Variants in SPEF2 observed in about 807,000 individuals in gnomAD.
SPEF2 encodes the protein sperm flagella and cilia-associated protein 2.
In SPEF2, 187 loss-of-function variants were observed where a neutral mutation model predicts 224.6. The observed-to-expected ratio is 0.83, with a 90% CI of 0.74 to 0.94. The LOEUF (loss-of-function observed/expected upper bound fraction) is 0.94, where lower values mean the gene tolerates loss of function less well. Among genes scored for constraint, SPEF2 ranks in the 40% least tolerant of loss-of-function variants. SPEF2 has a pLI of 0.00. For synonymous variants in SPEF2, 715 were observed against 707.3 expected, an observed-to-expected ratio of 1.01 and a Z score of -0.17; for missense variants, 2,170 against 2,135.6, an observed-to-expected ratio of 1.02 and a Z score of -0.32.
intron 10 of SPEF2, among the ~76,000 whole-genome samples, chr5:35,690,359 T>G (rs996910500): frequency 5.3e-5 from 8 of 152,208 alleles, no homozygotes; most frequent in Non-Finnish European, 8.8e-5. Context: ...TACAGTTTGA[T>G]CTGACCCCAT....
At chr5:35,762,999 A>G (rs547922596) in intron 25 of SPEF2, among the ~76,000 whole-genome samples, 1 of 152,196 alleles carries the variant, frequency 6.6e-6, no homozygotes, top group East Asian at 1.9e-4. Context: ...TTCAGACCTC[A>G]CATTAGTATT....
intron 21 of SPEF2, among the ~76,000 whole-genome samples, chr5:35,728,451 A>G (rs1745055635): frequency 6.6e-6 from 1 of 152,170 alleles, no homozygotes; most frequent in Non-Finnish European, 1.5e-5. Context: ...GAAACTTTTT[A>G]AACAGCAAAG....
intron 23 of SPEF2, among the ~76,000 whole-genome samples, chr5:35,742,734 C>CTTA (rs955493290): frequency 3.3e-5 from 5 of 151,780 alleles, no homozygotes; most frequent in African/African-American, 1.2e-4. Context: ...TTACTGACTT[C>CTTA]TAAGATCTTT....
rs1425609973 is a variant in SPEF2, at chr5:35,667,275, G to A, written c.1355+16G>A. ...TGACAAATAAGTAAGTATTTTTTTTGTAATAACAGTAGAGACACGATAGAG... is the reference window on the plus strand; with the variant it reads ...TGACAAATAAGTAAGTATTTTTTTTATAATAACAGTAGAGACACGATAGAG... On this transcript the variant is annotated intron_variant, in intron 9 of 36. Coordinates refer to ENST00000356031, the MANE Select transcript of SPEF2 (RefSeq NM_024867.4). The A allele has an allele frequency of 1.9e-6, 3 of 1,577,908 alleles. No individual in the cohort carries two copies. The Admixed American group carries it at 5.2e-5, about 27-fold the overall frequency.
At chr5:35,658,918 G>C in intron 7 of SPEF2, 101 bp from the exon 8 acceptor site, 1 of 843,496 alleles carries the variant, frequency 1.2e-6, no homozygotes, top group Non-Finnish European at 1.7e-6. Flanking sequence ...AACTGATTTA[G>C]ATGAACATTA....
At chr5:35,768,868 CT>C (rs1053232557) in intron 26 of SPEF2, among the ~76,000 whole-genome samples, 14 of 152,220 alleles carry the variant, frequency 9.2e-5, no homozygotes, top group African/African-American at 3.1e-4. Flanking sequence ...AATGAGAGCA[CT>C]TTAACACAGG....
At chr5:35,661,340 T>A (rs1749716262) in intron 8 of SPEF2, among the ~76,000 whole-genome samples, 1 of 143,316 alleles carries the variant, frequency 7.0e-6, no homozygotes, top group African/African-American at 2.5e-5. Context: ...TGTGTGTATA[T>A]ATATATACAC....
At chr5:35,742,755 A>T (rs2149698179) in intron 23 of SPEF2, among the ~76,000 whole-genome samples, 1 of 152,050 alleles carries the variant, frequency 6.6e-6, no homozygotes, top group East Asian at 1.9e-4. Flanking sequence ...GTATATGTTA[A>T]GGAAACAAGC....
intron 8 of SPEF2, among the ~76,000 whole-genome samples, chr5:35,661,231 G>A (rs1398433881): frequency 3.1e-5 from 4 of 127,274 alleles, no homozygotes; most frequent in African/African-American, 1.1e-4. Flanking sequence ...TGTGAAGAAA[G>A]GAGGTTTTTT....
Position 35,646,541 on chromosome 5 carries a change from C to A in SPEF2, c.586-126C>A, listed in dbSNP as rs371193438. 263 of 840,242 alleles carry A rather than the reference C, an allele frequency of 3.1e-4. 1 individual carries two copies. In the African/African-American group the frequency reaches 4.0e-3, roughly 13 times the overall value. The allele number at this position is 840,242 out of a possible 1,614,324, so 52.0% of individuals were successfully genotyped here. A position where few individuals can be genotyped will look rare whatever the true frequency, so the allele number is the denominator to read the frequency against. On this transcript the variant is annotated intron_variant, in intron 4 of 36. Transcript: ENST00000356031. Reference sequence around the variant, plus strand: ...ATATTACACAGTTGTGACACCTAGTCTCTTGGCTAATTGCTGGGTTCTGAA... The same window carrying A: ...ATATTACACAGTTGTGACACCTAGTATCTTGGCTAATTGCTGGGTTCTGAA...
intron 26 of SPEF2, among the ~76,000 whole-genome samples, chr5:35,771,271 T>C (rs890915388): frequency 2.0e-5 from 3 of 152,122 alleles, no homozygotes; most frequent in Admixed American, 6.6e-5. Flanking sequence ...GAAGTATAAA[T>C]GTGTGTCTGA....
chr5:35,734,701 TTTTTTTTC>T (rs1554044813), intron 21 of SPEF2, among the ~76,000 whole-genome samples: 1,974 of 29,938 alleles, frequency 0.066, 19 homozygotes, highest in East Asian at 0.082. Context: ...AATTGCTTTC[TTTTTTTTC>T]TTTTTTTTTT....
At chr5:35,755,198 G>A (rs929925086) in intron 24 of SPEF2, among the ~76,000 whole-genome samples, 10 of 152,214 alleles carry the variant, frequency 6.6e-5, no homozygotes, top group Non-Finnish European at 1.3e-4. Flanking sequence ...ATGACCAGGA[G>A]GACAGATCCA....
At chr5:35,744,573 A>G (rs1338992529) in intron 23 of SPEF2, among the ~76,000 whole-genome samples, 1 of 152,188 alleles carries the variant, frequency 6.6e-6, no homozygotes, top group Non-Finnish European at 1.5e-5. Context: ...TGGGAGAAAA[A>G]GAACTAGAAT....
At chr5:35,686,248 A>T (rs146662224) in intron 10 of SPEF2, among the ~76,000 whole-genome samples, 1 of 152,260 alleles carries the variant, frequency 6.6e-6, no homozygotes, top group African/African-American at 2.4e-5. Flanking sequence ...CCGCTGAAAC[A>T]ATATTTTGGG....
At chr5:35,652,238 A>C (rs764352970) in intron 6 of SPEF2, among the ~76,000 whole-genome samples, 2 of 152,146 alleles carry the variant, frequency 1.3e-5, no homozygotes, top group Non-Finnish European at 2.9e-5. Context: ...AAGACAACAG[A>C]TGGATGGGTT....
chr5:35,727,186 TCTC>T (rs1744814398), intron 20 of SPEF2, among the ~76,000 whole-genome samples: 1 of 152,246 alleles, frequency 6.6e-6, no homozygotes, highest in East Asian at 1.9e-4. Flanking sequence ...CAGCCCCTCT[TCTC>T]CTCCCCTGCA....
At chr5:35,813,369 G>A (rs1758655360) in intron 36 of SPEF2, among the ~76,000 whole-genome samples, 1 of 152,114 alleles carries the variant, frequency 6.6e-6, no homozygotes, top group Admixed American at 6.6e-5. Flanking sequence ...ACATGTGCCT[G>A]TAGTCCCAGC....
chr5:35,777,859 A>G (rs1175642173), intron 29 of SPEF2, among the ~76,000 whole-genome samples: 2 of 152,012 alleles, frequency 1.3e-5, no homozygotes, highest in African/African-American at 4.8e-5. Context: ...GTATTATTCT[A>G]CTAGTCATGT....
Sources: allele counts gnomAD v4.1 joint callset (sites outside exome capture counted in the v4.1 genomes callset), GRCh38; gene constraint gnomAD v4.1.1; transcripts MANE v1.5; gene names NCBI Gene and HGNC (gene_info 2026-07-23, HGNC 2026-07-21).